Variants in PLCL1 observed in about 807,000 individuals in gnomAD.
PLCL1 encodes the protein inactive phospholipase C-like protein 1.
Under a neutral mutation model 84.4 loss-of-function variants are expected in PLCL1, and 41 were observed. The ratio of observed to expected loss-of-function variants is 0.49; its 90% CI spans 0.38 to 0.63. PLCL1 has a LOEUF of 0.63. PLCL1 is among the 30% of genes least tolerant of loss of function. PLCL1 has a pLI of 0.00. For synonymous variants in PLCL1, 490 were observed against 488.3 expected, an observed-to-expected ratio of 1.00 and a Z score of -0.05; for missense variants, 1,206 against 1,367.8, an observed-to-expected ratio of 0.88 and a Z score of 1.87.
intron 5 of PLCL1, among the ~76,000 whole-genome samples, chr2:198,108,039 C>G (rs1026787394): frequency 1.3e-5 from 2 of 151,854 alleles, no homozygotes; most frequent in African/African-American, 4.8e-5. Context: ...TGGTGCTGCT[C>G]TAAGAAGATA....
At chr2:198,049,613 G>C (rs937291848) in intron 1 of PLCL1, among the ~76,000 whole-genome samples, 4 of 152,146 alleles carry the variant, frequency 2.6e-5, no homozygotes, top group Admixed American at 1.3e-4. Flanking sequence ...CCAGGGTGTG[G>C]TGGTGGAGCT....
intron 1 of PLCL1, among the ~76,000 whole-genome samples, chr2:198,042,694 T>C (rs1451292133): frequency 6.6e-6 from 1 of 152,218 alleles, no homozygotes; most frequent in Non-Finnish European, 1.5e-5. Context: ...TTTGAGATTA[T>C]GATGATGGAA....
intron 1 of PLCL1, among the ~76,000 whole-genome samples, chr2:197,938,645 CACA>C (rs1233214942): frequency 1.3e-5 from 2 of 152,118 alleles, no homozygotes; most frequent in Non-Finnish European, 2.9e-5. Flanking sequence ...GCCAGGGGAA[CACA>C]TACCTAGTCC....
chr2:197,999,846 A>G (rs1690558497), intron 1 of PLCL1, among the ~76,000 whole-genome samples: 1 of 151,850 alleles, frequency 6.6e-6, no homozygotes, highest in Admixed American at 6.6e-5. Flanking sequence ...TGTAATACGT[A>G]TGTGTGTGTG....
intron 5 of PLCL1, among the ~76,000 whole-genome samples, chr2:198,143,108 C>T (rs377371333): frequency 4.3e-4 from 66 of 152,220 alleles, no homozygotes; most frequent in Admixed American, 1.6e-3. Context: ...TTAGGTTACT[C>T]TTTAAATATA....
chr2:198,142,106 G>C (rs1250513046), intron 5 of PLCL1, among the ~76,000 whole-genome samples: 1 of 152,072 alleles, frequency 6.6e-6, no homozygotes, highest in East Asian at 1.9e-4. Flanking sequence ...GAATAATTCT[G>C]CCAGACTGTA....
chr2:197,835,842 A>C (rs1691176383), intron 1 of PLCL1, among the ~76,000 whole-genome samples: 1 of 152,144 alleles, frequency 6.6e-6, no homozygotes, highest in African/African-American at 2.4e-5. Flanking sequence ...TAAAATATTA[A>C]CTCATTTTTT....
At chr2:197,954,656 C>T (rs748293457) in intron 1 of PLCL1, among the ~76,000 whole-genome samples, 1 of 151,988 alleles carries the variant, frequency 6.6e-6, no homozygotes, top group Non-Finnish European at 1.5e-5. Flanking sequence ...TATTCAGAAA[C>T]GACTAGCTTT....
intron 1 of PLCL1, among the ~76,000 whole-genome samples, chr2:197,838,543 T>A (rs573985471): frequency 6.6e-6 from 1 of 152,238 alleles, no homozygotes; most frequent in Non-Finnish European, 1.5e-5. Flanking sequence ...ACATGCGGTA[T>A]GCTTTCAGTT....
chr2:198,087,653 CTG>C (rs3836134), intron 2 of PLCL1, among the ~76,000 whole-genome samples: 42,752 of 151,916 alleles, frequency 0.28, 7,420 homozygotes, highest in Middle Eastern at 0.48. Flanking sequence ...TTAATAATAA[CTG>C]TACATTTTAG....
At chr2:198,021,298 A>G (rs1377617111) in intron 1 of PLCL1, among the ~76,000 whole-genome samples, 2 of 152,244 alleles carry the variant, frequency 1.3e-5, no homozygotes, top group Non-Finnish European at 2.9e-5. Context: ...GAAAGCAGGA[A>G]AGATCTAAAA....
intron 1 of PLCL1, among the ~76,000 whole-genome samples, chr2:197,873,451 G>T (rs1687683633): frequency 6.6e-6 from 1 of 152,010 alleles, no homozygotes; most frequent in Admixed American, 6.5e-5. Context: ...GAACTTTCTT[G>T]CTGGGAGAGG....
intron 1 of PLCL1, among the ~76,000 whole-genome samples, chr2:197,882,773 C>T (rs148905395): frequency 6.6e-6 from 1 of 152,178 alleles, no homozygotes; most frequent in East Asian, 1.9e-4. Context: ...TATAAAACTG[C>T]AAATATATAC....
intron 5 of PLCL1, among the ~76,000 whole-genome samples, chr2:198,143,902 T>A (rs946241042): frequency 3.9e-5 from 6 of 152,186 alleles, no homozygotes; most frequent in Non-Finnish European, 8.8e-5. Flanking sequence ...CCTATTTTTT[T>A]TTTTTCTTGC....
intron 1 of PLCL1, among the ~76,000 whole-genome samples, chr2:197,825,140 T>A (rs1187906465): frequency 6.6e-6 from 1 of 152,074 alleles, no homozygotes; most frequent in African/African-American, 2.4e-5. Flanking sequence ...ATAATGAATA[T>A]AACATTTTTC....
Position 198,022,930 on chromosome 2 carries a change from G to A in PLCL1, c.241-60828G>A, listed in dbSNP as rs906631748. Among the ~76,000 whole-genome samples, 7 of 152,068 alleles carry A rather than the reference G, an allele frequency of 4.6e-5. No homozygotes were observed. In the South Asian group the frequency reaches 6.2e-4, roughly 14 times the overall value. On this transcript the variant is annotated intron_variant, in intron 1 of 5. Coordinates refer to ENST00000428675, the MANE Select transcript of PLCL1 (RefSeq NM_006226.4). ...TTTCATATGGAACCAAAAAGGAGCC[G>A]GTATAGCCAAGACAATTCTAAGCAA...
intron 1 of PLCL1, among the ~76,000 whole-genome samples, chr2:197,897,575 A>C (rs1367342875): frequency 1.3e-5 from 2 of 152,158 alleles, no homozygotes; most frequent in African/African-American, 2.4e-5. Flanking sequence ...AAATGAGAAA[A>C]AAACAAACAA....
chr2:197,813,458 T>C (rs953119616), intron 1 of PLCL1, among the ~76,000 whole-genome samples: 11 of 152,182 alleles, frequency 7.2e-5, no homozygotes, highest in Non-Finnish European at 1.2e-4. Flanking sequence ...ACTCCAGCTT[T>C]GAAATATTTT....
intron 1 of PLCL1, among the ~76,000 whole-genome samples, chr2:197,874,995 A>G (rs1210314608): frequency 1.3e-5 from 2 of 152,162 alleles, no homozygotes; most frequent in Admixed American, 6.5e-5. Flanking sequence ...AAAATAATAC[A>G]TATACTCAGG....
Sources: gnomAD v4.1 joint callset for allele counts (sites outside exome capture counted in the v4.1 genomes callset) on GRCh38, gnomAD v4.1.1 for gene constraint, MANE v1.5 for transcripts, NCBI Gene and HGNC (gene_info 2026-07-23, HGNC 2026-07-21) for gene names.